Variants in PSME4 observed in about 807,000 individuals in gnomAD.
PSME4 encodes the protein proteasome activator complex subunit 4.
Under a neutral mutation model 253.9 loss-of-function variants are expected in PSME4, and 89 were observed. The ratio of observed to expected loss-of-function variants is 0.35; its 90% CI spans 0.30 to 0.42. PSME4 has a LOEUF of 0.42. Among genes scored for constraint, PSME4 ranks in the 10% least tolerant of loss-of-function variants. PSME4 has a pLI of 1.00. For missense variants in PSME4, 2,014 were observed against 2,195.2 expected (o/e 0.92, Z 1.65); for synonymous variants, 851 against 759.2 (o/e 1.12, Z -1.99).
intron 1 of PSME4, among the ~76,000 whole-genome samples, chr2:53,956,063 G>A (rs113979918): frequency 2.0e-5 from 3 of 152,048 alleles, no homozygotes; most frequent in Non-Finnish European, 4.4e-5. Context: ...CCAGGAGATC[G>A]CTTGAGCCCA....
rs1485235285 is a variant in PSME4, at chr2:53,864,713, A to G, written c.*865T>C. ...CTTATTAGTCTCTCAACGATTCTGC[A>G]GGCAAAATAAAAAGGGAGAGAGAAT... On this transcript the variant is annotated 3_prime_UTR_variant, in exon 47 of 47. Coordinates refer to ENST00000404125, the MANE Select transcript of PSME4 (RefSeq NM_014614.3). 4 of 152,652 alleles carry G rather than the reference A, an allele frequency of 2.6e-5. No individual in the cohort carries two copies. Among genetic ancestry groups the G allele is most frequent in the Admixed American group, 6.5e-5 (1 of 15,280 alleles). The allele number at this position is 152,652 out of a possible 1,614,324, so 9.5% of individuals were successfully genotyped here.
chr2:53,901,242 C>A, intron 28 of PSME4, 108 bp downstream of exon 28: 2 of 1,025,924 alleles, frequency 1.9e-6, no homozygotes, highest in Non-Finnish European at 2.9e-6. Context: ...AAACACTGGA[C>A]TCAAATGCCA....
At chr2:53,922,426 GT>G (rs1668368617) in intron 17 of PSME4, 90 bp downstream of exon 17, 6 of 1,362,446 alleles carry the variant, frequency 4.4e-6, no homozygotes, top group Non-Finnish European at 5.2e-6. Flanking sequence ...CTTTTCATAT[GT>G]TTTAAAGTCA....
intron 41 of PSME4, among the ~76,000 whole-genome samples, chr2:53,884,126 G>A (rs1480023729): frequency 6.6e-6 from 1 of 152,144 alleles, no homozygotes; most frequent in African/African-American, 2.4e-5. Context: ...TCAGCATGAT[G>A]GTCTAGTATT....
At position 53,864,860 on chromosome 2, in the gene PSME4, CA is replaced by C. The variant is rs1163399630; in HGVS notation, c.*717del. On this transcript the variant is annotated 3_prime_UTR_variant, in exon 47 of 47. Coordinates refer to ENST00000404125, the MANE Select transcript of PSME4 (RefSeq NM_014614.3). ...AGAATACAGGGAAAAAACAGCCAGT[CA>C]GGGTTTTTATTGTTGTTGCTGTTTA... The C allele has an allele frequency of 6.6e-6, 1 of 152,562 alleles. No homozygotes were observed. Among genetic ancestry groups the C allele is most frequent in the Non-Finnish European group, 1.5e-5 (1 of 68,008 alleles). 9.5% of individuals were successfully genotyped at this position (152,562 alleles called of 1,614,324 possible). A position where few individuals can be genotyped will look rare whatever the true frequency, so the allele number is the denominator to read the frequency against.
At chr2:53,905,545 GAAA>G (rs973285095) in intron 26 of PSME4, among the ~76,000 whole-genome samples, 1 of 152,006 alleles carries the variant, frequency 6.6e-6, no homozygotes, top group Non-Finnish European at 1.5e-5. Flanking sequence ...TATTAAAAAT[GAAA>G]AAAATTAGTC....
intron 1 of PSME4, among the ~76,000 whole-genome samples, chr2:53,967,199 C>T (rs530256859): frequency 1.3e-5 from 2 of 152,308 alleles, no homozygotes; most frequent in African/African-American, 4.8e-5. Flanking sequence ...CATCACACAA[C>T]CTCTCTTGAC....
chr2:53,936,219 T>G (rs867385978), intron 6 of PSME4, 58 bp from the exon 7 acceptor site: 2 of 1,603,778 alleles, frequency 1.2e-6, no homozygotes, highest in Middle Eastern at 1.7e-4. Context: ...TTAAGTGTCA[T>G]AGTCACACCC....
chr2:53,950,669 C>A (rs771872893), intron 1 of PSME4, among the ~76,000 whole-genome samples: 46 of 151,770 alleles, frequency 3.0e-4, no homozygotes, highest in Non-Finnish European at 5.1e-4. Flanking sequence ...TGGAGAAACC[C>A]CGTCTCTACT....
chr2:53,964,360 T>C (rs1218587710), intron 1 of PSME4, among the ~76,000 whole-genome samples: 1 of 152,230 alleles, frequency 6.6e-6, no homozygotes, highest in Non-Finnish European at 1.5e-5. Flanking sequence ...ATATGAAATA[T>C]GTCTTATTGT....
intron 20 of PSME4, among the ~76,000 whole-genome samples, chr2:53,918,244 A>G (rs962381623): frequency 5.6e-4 from 85 of 152,220 alleles, no homozygotes; most frequent in Non-Finnish European, 1.2e-4. Context: ...TAACTTGCTT[A>G]GTAACAAGAT....
chr2:53,938,474 C>CT (rs772903727), intron 4 of PSME4, among the ~76,000 whole-genome samples: 1,352 of 132,818 alleles, frequency 0.01, 11 homozygotes, highest in African/African-American at 0.026. Flanking sequence ...CCTTAATGGG[C>CT]TTTTTTTTTT....
chr2:53,933,403 A>AAAAAAAAAAG (rs1558697904), intron 8 of PSME4, among the ~76,000 whole-genome samples: 5 of 139,064 alleles, frequency 3.6e-5, no homozygotes, highest in African/African-American at 5.2e-5. Flanking sequence ...AAAAAAAAAA[A>AAAAAAAAAAG]GCGTTTCCCT....
intron 15 of PSME4, 46 bp downstream of exon 15, chr2:53,923,275 T>G: frequency 6.4e-7 from 1 of 1,551,272 alleles, no homozygotes; most frequent in Non-Finnish European, 8.7e-7. Context: ...TATAAACTAG[T>G]TGATTGTTGA....
intron 9 of PSME4, 99 bp downstream of exon 9, chr2:53,932,569 G>T: frequency 2.0e-6 from 2 of 985,252 alleles, no homozygotes; most frequent in Non-Finnish European, 3.2e-6. Context: ...AAGCTATGAA[G>T]GACAGAAAAT....
intron 35 of PSME4, 53 bp from the exon 36 acceptor site, chr2:53,893,013 T>C (rs1467984606): frequency 6.6e-7 from 1 of 1,514,816 alleles, no homozygotes; most frequent in African/African-American, 1.4e-5. Context: ...ATCTCGATTA[T>C]AATTATGCTT....
chr2:53,866,682 T>C (rs1412596973), intron 45 of PSME4, 65 bp downstream of exon 45: 9 of 1,517,728 alleles, frequency 5.9e-6, no homozygotes, highest in Non-Finnish European at 8.1e-6. Context: ...TAGGAAATTA[T>C]TATTATGGTT....
intron 27 of PSME4, among the ~76,000 whole-genome samples, chr2:53,902,089 T>G (rs909334063): frequency 6.6e-6 from 1 of 152,084 alleles, no homozygotes; most frequent in Non-Finnish European, 1.5e-5. Context: ...AAGAAATTGT[T>G]CAAAGAATGG....
At chr2:53,944,113 A>C (rs1435329576) in intron 3 of PSME4, among the ~76,000 whole-genome samples, 1 of 152,222 alleles carries the variant, frequency 6.6e-6, no homozygotes, top group Non-Finnish European at 1.5e-5. Flanking sequence ...TGTAGCACAG[A>C]AACAACTTTT....
Sources: allele counts gnomAD v4.1 joint callset (sites outside exome capture counted in the v4.1 genomes callset), GRCh38; gene constraint gnomAD v4.1.1; transcripts MANE v1.5; gene names NCBI Gene and HGNC (gene_info 2026-07-23, HGNC 2026-07-21).